Variants in FHIT observed in about 807,000 individuals in gnomAD.
The protein encoded by FHIT is bis(5'-adenosyl)-triphosphatase.
A neutral mutation model predicts 17.9 loss-of-function variants in FHIT; 19 were observed. The ratio of observed to expected loss-of-function variants is 1.06; its 90% CI spans 0.74 to 1.56. The LOEUF is 1.56. FHIT is among the 40% of genes most tolerant of loss of function. The pLI is 0.00. For missense variants in FHIT, 248 were observed against 189.2 expected (o/e 1.31, Z -1.82); for synonymous variants, 81 against 69.7 (o/e 1.16, Z -0.81).
At position 60,480,938 on chromosome 3, in the gene FHIT, G is replaced by A. The variant is rs911111649; in HGVS notation, c.103+55922C>T. ...CACAGCTCCACTAGGCAGTGCCCCA[G>A]TGGGGACTCTGTGTGGGGACTCTGT... is the stretch of plus-strand genomic sequence containing the variant. On this transcript the variant is annotated intron_variant, in intron 5 of 9. Coordinates refer to ENST00000492590, the MANE Select transcript of FHIT (RefSeq NM_002012.4). 3.3e-5 allele frequency among the ~76,000 whole-genome samples: 5 copies of A among 152,356 alleles called. No homozygotes were observed. The South Asian group carries it at 8.3e-4, about 25-fold the overall frequency.
chr3:60,241,557 A>T (rs1210854334), intron 5 of FHIT, among the ~76,000 whole-genome samples: 2 of 151,978 alleles, frequency 1.3e-5, no homozygotes, highest in South Asian at 2.1e-4. Flanking sequence ...CTTTTTTTGT[A>T]AGGGTTGAAA....
At chr3:60,633,400 C>A (rs1170854896) in intron 4 of FHIT, among the ~76,000 whole-genome samples, 1 of 152,016 alleles carries the variant, frequency 6.6e-6, no homozygotes, top group African/African-American at 2.4e-5. Context: ...AATACCTGCC[C>A]CCACAGTAAA....
chr3:61,002,987 C>T (rs886600234), intron 3 of FHIT, among the ~76,000 whole-genome samples: 1 of 152,204 alleles, frequency 6.6e-6, no homozygotes, highest in Non-Finnish European at 1.5e-5. Flanking sequence ...ATCCCTTTCT[C>T]AAGGTCTGGT....
chr3:60,507,192 G>A (rs2034767109), intron 5 of FHIT, among the ~76,000 whole-genome samples: 1 of 152,178 alleles, frequency 6.6e-6, no homozygotes. Flanking sequence ...ACGTGAGTTG[G>A]CATTGGTAGA....
chr3:59,864,547 T>C lies in FHIT; in HGVS notation c.348+57799A>G, dbSNP rs184563968. On this transcript the variant is annotated intron_variant, in intron 8 of 9. Coordinates refer to ENST00000492590, the MANE Select transcript of FHIT (RefSeq NM_002012.4). The stretch of plus-strand genomic sequence containing the variant: ...GAAATATACTTGTATTGTTTAAATA[T>C]TGGCGCTCTTCATTCCTGCAGCATA... Among the ~76,000 whole-genome samples, 3 of 151,900 alleles carry C rather than the reference T, an allele frequency of 2.0e-5. No homozygotes were observed. In the East Asian group the frequency reaches 5.8e-4, roughly 29 times the overall value.
At chr3:60,086,278 C>A (rs1257840844) in intron 5 of FHIT, among the ~76,000 whole-genome samples, 1 of 152,158 alleles carries the variant, frequency 6.6e-6, no homozygotes, top group African/African-American at 2.4e-5. Flanking sequence ...CTGACCCAAA[C>A]ACCTCCCCCA....
chr3:60,671,229 C>A (rs1354193118), intron 4 of FHIT, among the ~76,000 whole-genome samples: 4 of 152,068 alleles, frequency 2.6e-5, no homozygotes, highest in African/African-American at 9.7e-5. Context: ...CTCACAAAAC[C>A]ATGTTTTCAG....
chr3:61,051,398 C>T (rs529766479), intron 2 of FHIT, among the ~76,000 whole-genome samples: 6 of 151,880 alleles, frequency 4.0e-5, no homozygotes, highest in Non-Finnish European at 8.8e-5. Flanking sequence ...TACAGGCATG[C>T]GCCACCACAC....
chr3:60,626,567 C>A (rs1394889999), intron 4 of FHIT, among the ~76,000 whole-genome samples: 1 of 152,026 alleles, frequency 6.6e-6, no homozygotes, highest in Non-Finnish European at 1.5e-5. Flanking sequence ...ATCCTAAAAA[C>A]TTGCTCAACT....
At chr3:60,609,814 T>C (rs1456708096) in intron 4 of FHIT, among the ~76,000 whole-genome samples, 1 of 152,144 alleles carries the variant, frequency 6.6e-6, no homozygotes, top group Non-Finnish European at 1.5e-5. Context: ...TAATCTTCCT[T>C]CTATCAATCC....
chr3:60,052,803 T>C (rs1457534090), intron 5 of FHIT, among the ~76,000 whole-genome samples: 2 of 148,398 alleles, frequency 1.3e-5, no homozygotes, highest in African/African-American at 4.9e-5. Context: ...GTATATAAAA[T>C]ATATAAGTAT....
At chr3:60,551,442 G>GAGAA (rs151253587) in intron 4 of FHIT, among the ~76,000 whole-genome samples, 4,233 of 60,122 alleles carry the variant, frequency 0.07, 640 homozygotes, top group Middle Eastern at 0.14. Flanking sequence ...GAAATATAGT[G>GAGAA]AGAAAGAAAG....
At chr3:60,071,778 A>G (rs1166411613) in intron 5 of FHIT, among the ~76,000 whole-genome samples, 4 of 152,166 alleles carry the variant, frequency 2.6e-5, no homozygotes, top group Admixed American at 6.5e-5. Flanking sequence ...CCCGTATGTT[A>G]TGAGATGGAC....
At chr3:61,178,541 GA>G (rs1168440195) in intron 2 of FHIT, among the ~76,000 whole-genome samples, 2 of 53,900 alleles carry the variant, frequency 3.7e-5, no homozygotes, top group African/African-American at 9.0e-5. Context: ...TGACACTGAA[GA>G]AAAAAACGTT....
At chr3:60,691,341 C>T (rs2040984873) in intron 4 of FHIT, among the ~76,000 whole-genome samples, 1 of 151,246 alleles carries the variant, frequency 6.6e-6, no homozygotes, top group Non-Finnish European at 1.5e-5. Context: ...CAGAAATTAT[C>T]AATTTTTTTC....
chr3:60,741,893 A>C (rs1299491151), intron 4 of FHIT, among the ~76,000 whole-genome samples: 1 of 152,224 alleles, frequency 6.6e-6, no homozygotes, highest in African/African-American at 2.4e-5. Flanking sequence ...GTCTGACTGT[A>C]CATCACAGTG....
Position 59,978,946 on chromosome 3 carries a change from G to T in FHIT, c.279+32425C>A, listed in dbSNP as rs185530635. Among the ~76,000 whole-genome samples, 427 of 152,086 alleles carry T rather than the reference G, an allele frequency of 2.8e-3. 1 individual carries two copies. Among genetic ancestry groups the T allele is most frequent in the Middle Eastern group, 6.8e-3 (2 of 294 alleles). On this transcript the variant is annotated intron_variant, in intron 7 of 9. Coordinates refer to ENST00000492590, the MANE Select transcript of FHIT (RefSeq NM_002012.4). ...AGTTTCCAAATTATGGGGGGCAAGG[G>T]TAGTGAAAAGTGAGTGTGAACCTAA...
chr3:60,785,896 G>GACACACACAC (rs71092634), intron 4 of FHIT, among the ~76,000 whole-genome samples: 46 of 85,876 alleles, frequency 5.4e-4, no homozygotes, highest in Admixed American at 3.9e-3. Flanking sequence ...ACAAACAGAA[G>GACACACACAC]ACACACACAC....
chr3:61,121,845 G>A (rs2036465918), intron 2 of FHIT, among the ~76,000 whole-genome samples: 1 of 152,098 alleles, frequency 6.6e-6, no homozygotes, highest in Non-Finnish European at 1.5e-5. Flanking sequence ...CATCTCACAT[G>A]CAAAGAGACA....
Sources: gnomAD v4.1 joint callset for allele counts (sites outside exome capture counted in the v4.1 genomes callset) on GRCh38, gnomAD v4.1.1 for gene constraint, MANE v1.5 for transcripts, NCBI Gene and HGNC (gene_info 2026-07-23, HGNC 2026-07-21) for gene names.